Variants in CEP350 observed in about 807,000 individuals in gnomAD.
CEP350 encodes the protein centrosome-associated protein 350.
In CEP350, 126 loss-of-function variants were observed where a neutral mutation model predicts 331.8. That is an observed-to-expected ratio of 0.38 (90% CI 0.33 to 0.44). The LOEUF is 0.44. CEP350 is among the 20% of genes least tolerant of loss of function. The pLI, the probability that CEP350 is intolerant of heterozygous loss-of-function variation, is 1.00. For missense variants in CEP350, 3,406 were observed against 3,634.6 expected (o/e 0.94, Z 1.62); for synonymous variants, 1,200 against 1,259.5 (o/e 0.95, Z 1.00).
rs1558092877 is a variant in CEP350 at position 180,004,878 on chromosome 1, GCTTGCTTGCTTGCTTGCTTGCTTGCTT to G, written c.1133-1575_1133-1549del. ...CTTGGGCAGGCAGGCTGGCTGGCTT[GCTTGCTTGCTTGCTTGCTTGCTTGCTT>G]GCTTTCTTTCTTTCTTTCTTTCTTT... On this transcript the variant is annotated intron_variant, in intron 7 of 37. Transcript: ENST00000367607. Among the ~76,000 whole-genome samples, 486 of 93,792 alleles carry G rather than the reference GCTTGCTTGCTTGCTTGCTTGCTTGCTT, an allele frequency of 5.2e-3. 4 individuals carry two copies. Among genetic ancestry groups the G allele is most frequent in the Middle Eastern group, 0.017 (3 of 180 alleles). The allele number at this position is 93,792 out of a possible 152,430, so 61.5% of individuals were successfully genotyped here.
At chr1:180,062,073 A>G (rs1658261275) in intron 25 of CEP350, 147 bp from the exon 26 acceptor site, 2 of 639,716 alleles carry the variant, frequency 3.1e-6, no homozygotes, top group African/African-American at 1.9e-5. Flanking sequence ...CTCCCTCACT[A>G]TTTTTTAAAC....
Position 180,033,993 on chromosome 1 carries a change from C to A in CEP350, c.3857C>A (p.Thr1286Asn). The A allele has an allele frequency of 6.2e-7, 1 of 1,613,842 alleles. No individual in the cohort carries two copies. Among genetic ancestry groups the A allele is most frequent in the Non-Finnish European group, 8.5e-7 (1 of 1,179,808 alleles). ...TCTAAGTCGTCAGTAATGCCTCCAA[C>A]TATAACAGGATTTAAGCCTAATGCA... The part of the protein sequence containing the change: ...ERSKSSVMPP[T>N]ITGFKPNAPL... Residue 1286 changes from threonine to asparagine, a missense_variant, in exon 16 of 38, where the codon ACT (threonine) becomes AAT (asparagine). Thr to Asn is a moderately conservative substitution (Grantham distance 65). This residue lies in a region of CEP350 where 1,857 missense variants were observed against 1,909.2 expected (regional missense o/e 0.97). Transcript: ENST00000367607.
chr1:179,961,491 C>T (rs1650615809), intron 1 of CEP350, among the ~76,000 whole-genome samples: 1 of 151,970 alleles, frequency 6.6e-6, no homozygotes, highest in African/African-American at 2.4e-5. Flanking sequence ...CTTCAATACA[C>T]TTGATATTTG....
chr1:180,015,910 C>T lies in CEP350; in HGVS notation c.2114C>T (p.Pro705Leu), dbSNP rs886362210. ...AAAGAAAACAAAGTACAGGAACGTC[C>T]CCCAAGTGCATCTTCCAGTAGTGAC... The part of the protein sequence containing the change: ...SDKENKVQER[P>L]PSASSSSDMS... Residue 705 changes from proline (P) to leucine (L), a missense_variant, in exon 11 of 38, where the codon CCC (proline) becomes CTC (leucine). Transcript: ENST00000367607. The T allele has an allele frequency of 6.2e-7, 1 of 1,613,904 alleles. No homozygotes were observed. The highest frequency in any genetic ancestry group is 1.7e-5 in the Admixed American group (1 of 60,008).
At chr1:180,087,132 T>C (rs1659914994) in intron 31 of CEP350, 1 of 152,330 alleles carries the variant, frequency 6.6e-6, no homozygotes, top group African/African-American at 2.4e-5. Context: ...CTGTCAACTA[T>C]ATCTTTCTCT....
rs749612016 is a variant in CEP350 at position 180,092,958 on chromosome 1, C to G, written c.6853C>G (p.Leu2285Val). 2 of 1,597,000 alleles carry G rather than the reference C, an allele frequency of 1.3e-6. No homozygotes were observed. Among genetic ancestry groups the G allele is most frequent in the Non-Finnish European group, 1.7e-6 (2 of 1,170,310 alleles). Reference protein sequence around the residue: ...FSKEGKSDVLLKLVLEQGDSS... With the variant: ...FSKEGKSDVLVKLVLEQGDSS... ...TAAAGAAGGTAAATCTGATGTCTTA[C>G]TGAAATTAGTCCTAGAACAGGGAGA... The change falls in exon 34 of 38, where the codon CTG becomes GTG. Residue 2285 changes from leucine to valine, a missense_variant. By Grantham distance (32) the Leu-to-Val change is conservative. Around this residue, in one of 5 missense-constraint regions of CEP350, gnomAD observed 1,415 missense variants for 1,512.3 expected, o/e 0.94. Coordinates refer to ENST00000367607, the MANE Select transcript of CEP350 (RefSeq NM_014810.5).
chr1:180,080,399 A>C, intron 29 of CEP350, 118 bp from the exon 30 acceptor site: 3 of 875,190 alleles, frequency 3.4e-6, no homozygotes, highest in Admixed American at 5.4e-5. Flanking sequence ...CTTATGTCTT[A>C]ACAGTTATCT....
chr1:180,026,949 A>G (rs1264816005), intron 14 of CEP350, among the ~76,000 whole-genome samples: 1 of 152,196 alleles, frequency 6.6e-6, no homozygotes, highest in Admixed American at 6.5e-5. Context: ...CAAATACCCT[A>G]TTTGAATCCC....
intron 25 of CEP350, among the ~76,000 whole-genome samples, chr1:180,058,339 GC>G (rs1167797200): frequency 2.0e-5 from 3 of 152,150 alleles, no homozygotes; most frequent in African/African-American, 7.2e-5. Context: ...GCCACATGTA[GC>G]TAGAAGCTGT....
intron 27 of CEP350, among the ~76,000 whole-genome samples, chr1:180,067,852 C>G (rs2149032459): frequency 6.6e-6 from 1 of 152,346 alleles, no homozygotes; most frequent in Admixed American, 6.5e-5. Context: ...ATAGTTTGAT[C>G]TCCTTCAATG....
At chr1:180,080,093 C>T (rs1659468830) in intron 29 of CEP350, among the ~76,000 whole-genome samples, 1 of 152,100 alleles carries the variant, frequency 6.6e-6, no homozygotes, top group Non-Finnish European at 1.5e-5. Context: ...GAAATTTTGT[C>T]TTTTGTTCTC....
rs1416044497 is a variant in CEP350 at position 180,062,288 on chromosome 1, G to A, written c.5331G>A (p.Gln1777=). ...ARKERQLILK[Q]QEEIEKIRQT... The stretch of plus-strand genomic sequence containing the variant: ...AGGAAAGACAGCTGATTCTTAAACA[G>A]CAGGAGGAGATAGAAAAGATCCGAC... Residue 1777 remains glutamine (Q), a synonymous_variant, in exon 26 of 38, where the codon CAG becomes CAA. Transcript: ENST00000367607. 6.2e-7 allele frequency: 1 copy of A among 1,610,856 alleles called. No homozygotes were observed. The highest frequency in any genetic ancestry group is 1.6e-4 in the Middle Eastern group (1 of 6,062).
In CEP350 at chr1:180,093,308, T is replaced by A. The variant is rs144922606; in HGVS notation, c.7203T>A (p.Ser2401=). 8 of 1,598,176 alleles carry A rather than the reference T, an allele frequency of 5.0e-6. No individual in the cohort carries two copies. The African/African-American group carries it at 9.4e-5, about 19-fold the overall frequency. ...ACAAAGATGATTTTGAGGTGTCATC[T>A]TTGCTGTCACTCAGGAAAGACTCTC... ...ELYKDDFEVS[S]LLSLRKDSQS... The change falls in exon 34 of 38, where the codon TCT becomes TCA. Residue 2401 remains serine (S), a synonymous_variant. Transcript: ENST00000367607.
At position 180,017,032 on chromosome 1, in the gene CEP350, A is replaced by G. The variant is rs954229961; in HGVS notation, c.2174+1062A>G. 2.6e-5 allele frequency among the ~76,000 whole-genome samples: 4 copies of G among 152,034 alleles called. No homozygotes were observed. In the South Asian group the frequency reaches 6.2e-4, roughly 24 times the overall value. On this transcript the variant is annotated intron_variant, in intron 11 of 37. Coordinates refer to ENST00000367607, the MANE Select transcript of CEP350 (RefSeq NM_014810.5). ...CAATAAAAATAGCTAACATTTATTA[A>G]TGTTTCTTAGGTTCCAGGCAATGAT...
At position 180,111,011 on chromosome 1, in the gene CEP350, T is replaced by G; in HGVS notation, c.9204T>G (p.His3068Gln). Residue 3068 changes from histidine (H) to glutamine (Q), a missense_variant, in exon 38 of 38, where the codon CAT (histidine) becomes CAG (glutamine). His to Gln is a conservative substitution (Grantham distance 24). Around this residue, in one of 5 missense-constraint regions of CEP350, gnomAD observed 1,415 missense variants for 1,512.3 expected, o/e 0.94. Coordinates refer to ENST00000367607, the MANE Select transcript of CEP350 (RefSeq NM_014810.5). The stretch of plus-strand genomic sequence containing the variant: ...CTAAATCCTAGGTTCAGGAGCTCCA[T>G]GAGGAGGAGGCACAGTGGGTGAACT... ...RVDHILVQEL[H>Q]EEEAQWVNYD... 6.2e-7 allele frequency: 1 copy of G among 1,613,724 alleles called. No homozygotes were observed. Among genetic ancestry groups the G allele is most frequent in the Non-Finnish European group, 8.5e-7 (1 of 1,179,668 alleles).
intron 37 of CEP350, among the ~76,000 whole-genome samples, chr1:180,101,214 T>G (rs1044739327): frequency 1.3e-5 from 2 of 152,200 alleles, no homozygotes; most frequent in Non-Finnish European, 2.9e-5. Context: ...CTTTGCTGGT[T>G]GTAAAATATT....
chr1:180,094,267 A>T lies in CEP350; in HGVS notation c.8162A>T (p.Asp2721Val). 2 of 1,613,594 alleles carry T rather than the reference A, an allele frequency of 1.2e-6. No individual in the cohort carries two copies. Among genetic ancestry groups the T allele is most frequent in the Non-Finnish European group, 1.7e-6 (2 of 1,179,704 alleles). The change falls in exon 34 of 38, where the codon GAT (aspartate) becomes GTT (valine). Residue 2721 changes from aspartate to valine, a missense_variant. Asp to Val is a radical substitution (Grantham distance 152). Transcript: ENST00000367607. ...GAAAAGCTTTGTACACCACTTCTGG[A>T]TCTTTTAACAAGAGAAAAAAACCAA... ...ASEKLCTPLL[D>V]LLTREKNQLE... is the part of the protein sequence containing the mutation.
At chr1:180,063,614 C>A (rs950056311) in intron 26 of CEP350, among the ~76,000 whole-genome samples, 8 of 151,918 alleles carry the variant, frequency 5.3e-5, no homozygotes, top group African/African-American at 1.9e-4. Context: ...GAGTTTGAGA[C>A]CAGCCTGGGC....
At chr1:180,049,543 C>CTT (rs34061683) in intron 22 of CEP350, among the ~76,000 whole-genome samples, 8 of 130,172 alleles carry the variant, frequency 6.1e-5, no homozygotes, top group Non-Finnish European at 4.8e-5. Flanking sequence ...TTACTTACAC[C>CTT]TTTTTTTTTT....
Sources: gnomAD v4.1 joint callset for allele counts (sites outside exome capture counted in the v4.1 genomes callset) on GRCh38, gnomAD v4.1.1 for gene constraint, gnomAD v4.1.1 regional missense constraint, MANE v1.5 for transcripts, NCBI Gene and HGNC (gene_info 2026-07-23, HGNC 2026-07-21) for gene names.